Variants in MCM3 observed in about 807,000 individuals in gnomAD.
The protein encoded by MCM3 is minichromosome maintenance complex component 3.
A neutral mutation model predicts 91.3 loss-of-function variants in MCM3; 59 were observed. The observed-to-expected ratio is 0.65, with a 90% CI of 0.52 to 0.80. The LOEUF (loss-of-function observed/expected upper bound fraction) is 0.80, where lower values mean the gene tolerates loss of function less well. MCM3 is among the 30% of genes least tolerant of loss of function. The pLI, the probability that MCM3 is intolerant of heterozygous loss-of-function variation, is 0.00. For missense variants in MCM3, 919 were observed against 1,035.4 expected (o/e 0.89, Z 1.54); for synonymous variants, 383 against 379.6 (o/e 1.01, Z -0.10).
rs1357554586 is a variant in MCM3 at position 52,284,733 on chromosome 6, A to C, written c.-59T>G. ...GCGTGGAGGTTCCCAGGATGACTCC[A>C]CCCCGGCGCGAAAACTTCCGAACTC... is the stretch of plus-strand genomic sequence containing the variant. On this transcript the variant is annotated 5_prime_UTR_variant, in exon 1 of 17. Transcript: ENST00000596288. 7.7e-6 allele frequency: 12 copies of C among 1,552,260 alleles called. No homozygotes were observed. Among genetic ancestry groups the C allele is most frequent in the Non-Finnish European group, 9.6e-6 (11 of 1,149,652 alleles).
In MCM3 at chr6:52,264,476, A is replaced by C; in HGVS notation, c.*112T>G. The C allele has an allele frequency of 1.7e-6, 2 of 1,154,654 alleles. No homozygotes were observed. Among genetic ancestry groups the C allele is most frequent in the South Asian group, 2.8e-5 (2 of 71,434 alleles). 71.5% of individuals were successfully genotyped at this position (1,154,654 alleles called of 1,614,324 possible). A position where few individuals can be genotyped will look rare whatever the true frequency, so the allele number is the denominator to read the frequency against. ...TTCATCACCAACATTCCTCGCCTTC[A>C]GTTGAATTCAACACTGTTAAGGGAG... is the stretch of plus-strand genomic sequence containing the variant. On this transcript the variant is annotated 3_prime_UTR_variant, in exon 17 of 17. Coordinates refer to ENST00000596288, the MANE Select transcript of MCM3 (RefSeq NM_002388.6).
intron 11 of MCM3, among the ~76,000 whole-genome samples, chr6:52,272,805 A>G (rs571171199): frequency 4.2e-4 from 64 of 152,298 alleles, no homozygotes; most frequent in African/African-American, 1.5e-3. Context: ...TTACTGCATC[A>G]TGGCCAAAAA....
At chr6:52,284,227 G>T (rs903089852) in intron 1 of MCM3, among the ~76,000 whole-genome samples, 4 of 152,160 alleles carry the variant, frequency 2.6e-5, no homozygotes, top group African/African-American at 9.7e-5. Flanking sequence ...ACTCTGCAAC[G>T]CGGCTGGTCA....
intron 12 of MCM3, 45 bp from the exon 13 acceptor site, chr6:52,269,271 A>C (rs1764905523): frequency 6.3e-7 from 1 of 1,576,518 alleles, no homozygotes. Context: ...TCTTTTAGGC[A>C]TGCCCATCAA....
At chr6:52,282,594 CT>C in intron 3 of MCM3, 58 bp downstream of exon 3, 1 of 1,546,122 alleles carries the variant, frequency 6.5e-7, no homozygotes, top group Non-Finnish European at 8.9e-7. Flanking sequence ...TTTGCCTCTC[CT>C]GCTTTCCCCA....
At chr6:52,279,866 T>TA (rs1366610524) in intron 4 of MCM3, among the ~76,000 whole-genome samples, 3 of 152,220 alleles carry the variant, frequency 2.0e-5, no homozygotes, top group African/African-American at 7.2e-5. Flanking sequence ...AATATATGCT[T>TA]ACATTCTGAA....
intron 12 of MCM3, among the ~76,000 whole-genome samples, chr6:52,270,346 GA>G (rs77109652): frequency 1.5e-5 from 2 of 133,552 alleles, no homozygotes; most frequent in East Asian, 2.2e-4. Context: ...AAAAAAAAAA[GA>G]AAAAAAAAGA....
At chr6:52,269,323 C>A in intron 12 of MCM3, 97 bp from the exon 13 acceptor site, 2 of 1,223,118 alleles carry the variant, frequency 1.6e-6, no homozygotes, top group Non-Finnish European at 1.1e-6. Context: ...CAGAAAAGCC[C>A]CAGGAGGCCC....
At position 52,266,141 on chromosome 6, in the gene MCM3, T is replaced by C. The variant is rs1764627034; in HGVS notation, c.2162A>G (p.His721Arg). ...CTGTGAGTCTGCCGTCTTTGGAGTG[T>C]GTACTTCAGAGGGTTGATGGTTGTA... ...SDTEEEMPQV[H>R]TPKTADSQET... is the part of the protein sequence containing the mutation. The change falls in exon 16 of 17, where the codon CAC becomes CGC. Residue 721 changes from histidine to arginine, a missense_variant. Coordinates refer to ENST00000596288, the MANE Select transcript of MCM3 (RefSeq NM_002388.6). 2 of 1,613,288 alleles carry C rather than the reference T, an allele frequency of 1.2e-6. No individual in the cohort carries two copies. Among genetic ancestry groups the C allele is most frequent in the African/African-American group, 2.7e-5 (2 of 74,886 alleles).
chr6:52,283,138 GA>G (rs59102970), intron 2 of MCM3, among the ~76,000 whole-genome samples, 155 bp downstream of exon 2: 1,685 of 136,288 alleles, frequency 0.012, 29 homozygotes, highest in African/African-American at 0.039. Flanking sequence ...CCCACTTTTT[GA>G]AAAAAAAAAA....
chr6:52,264,825 A>T (rs755553058), intron 16 of MCM3, 39 bp from the exon 17 acceptor site: 11 of 1,569,114 alleles, frequency 7.0e-6, no homozygotes, highest in Non-Finnish European at 9.6e-6. Context: ...GGAGTAAACA[A>T]ACCCAAATGC....
intron 4 of MCM3, among the ~76,000 whole-genome samples, chr6:52,281,042 A>G (rs899060958): frequency 6.6e-6 from 1 of 152,222 alleles, no homozygotes; most frequent in African/African-American, 2.4e-5. Context: ...AGTAGTTCTC[A>G]ATTAAAATTT....
In MCM3 at chr6:52,276,396, C is replaced by G; in HGVS notation, c.1246G>C (p.Asp416His). ...TCATGGATGGCTGTGCGATCCATGTCAGACATTTTGTCAAATTCATCAATG... is the reference window on the plus strand; with the variant it reads ...TCATGGATGGCTGTGCGATCCATGTGAGACATTTTGTCAAATTCATCAATG... ...VCIDEFDKMSDMDRTAIHEVM... is the reference protein window; with the variant it reads ...VCIDEFDKMSHMDRTAIHEVM... The change falls in exon 9 of 17, where the codon GAC (aspartate) becomes CAC (histidine). Residue 416 changes from aspartate to histidine, a missense_variant. Asp to His is a moderately conservative substitution (Grantham distance 81, BLOSUM62 -1). Transcript: ENST00000596288. 1 of 1,614,238 alleles carries G rather than the reference C, an allele frequency of 6.2e-7. No individual in the cohort carries two copies.
chr6:52,279,584 G>T lies in MCM3; in HGVS notation c.547C>A (p.Pro183Thr). Residue 183 changes from proline (P) to threonine (T), a missense_variant, in exon 5 of 17, where the codon CCC becomes ACC. By Grantham distance (38) the Pro-to-Thr change is conservative. Transcript: ENST00000596288. ...GAAAGGCCATATTCTGTCTCAAGGG[G>T]ATTGTTCTCCTCATCCTAGAAAAAG... The part of the protein sequence containing the change: ...VYPTKDEENN[P>T]LETEYGLSVY... The T allele has an allele frequency of 6.2e-7, 1 of 1,613,112 alleles. No individual in the cohort carries two copies.
Position 52,266,592 on chromosome 6 carries a change from A to G in MCM3, c.2158+19T>C, listed in dbSNP as rs1426198783. The G allele has an allele frequency of 3.1e-6, 5 of 1,606,262 alleles. No homozygotes were observed. The African/African-American group carries it at 5.4e-5, about 17-fold the overall frequency. ...AGTCACAGGAACAACCTCTTTCATC[A>G]GTAAGTGGGCTCACTCACCTTGAGG... On this transcript the variant is annotated intron_variant, in intron 15 of 16. Transcript: ENST00000596288.
At chr6:52,278,113 AACAC>A (rs1409773060) in intron 6 of MCM3, among the ~76,000 whole-genome samples, 1 of 151,682 alleles carries the variant, frequency 6.6e-6, no homozygotes, top group Admixed American at 6.6e-5. Context: ...TACTTGAAGA[AACAC>A]ACAAACAGGT....
chr6:52,272,201 G>C, intron 12 of MCM3, 100 bp downstream of exon 12: 2 of 1,301,764 alleles, frequency 1.5e-6, no homozygotes, highest in Non-Finnish European at 2.1e-6. Context: ...CAGGAAAAAA[G>C]TCACTAAGTT....
intron 12 of MCM3, among the ~76,000 whole-genome samples, chr6:52,271,091 T>G (rs1296287716): frequency 6.6e-6 from 1 of 151,788 alleles, no homozygotes; most frequent in Non-Finnish European, 1.5e-5. Flanking sequence ...GCACCTGTAG[T>G]CCCACCTACC....
At chr6:52,281,160 G>C (rs1470250372) in intron 4 of MCM3, among the ~76,000 whole-genome samples, 2 of 152,122 alleles carry the variant, frequency 1.3e-5, no homozygotes, top group African/African-American at 2.4e-5. Flanking sequence ...CCTCAATCCA[G>C]ATCAATCTGA....
Sources: gnomAD v4.1 joint callset for allele counts (sites outside exome capture counted in the v4.1 genomes callset) on GRCh38, gnomAD v4.1.1 for gene constraint, MANE v1.5 for transcripts, NCBI Gene and HGNC (gene_info 2026-07-23, HGNC 2026-07-21) for gene names.